Variants in MINDY4 observed in about 807,000 individuals in gnomAD.
MINDY4 encodes the protein probable ubiquitin carboxyl-terminal hydrolase MINDY-4.
MINDY4 carries 68 observed loss-of-function variants against 87.0 expected under a neutral mutation model. That is an observed-to-expected ratio of 0.78 (90% CI 0.64 to 0.96). The LOEUF (loss-of-function observed/expected upper bound fraction) is 0.96, where lower values mean the gene tolerates loss of function less well. Ranked by LOEUF, MINDY4 falls within the 40% of genes least tolerant of loss-of-function variation. The probability of loss-of-function intolerance (pLI) is 0.00; values close to 1 mark genes in which losing one functional copy is unlikely to be tolerated. For missense variants in MINDY4, 919 were observed against 928.2 expected, an observed-to-expected ratio of 0.99 and a Z score of 0.13; for synonymous variants, 379 against 363.2, an observed-to-expected ratio of 1.04 and a Z score of -0.50.
At chr7:30,851,410 A>C (rs1274272870) in intron 10 of MINDY4, among the ~76,000 whole-genome samples, 1 of 152,270 alleles carries the variant, frequency 6.6e-6, no homozygotes, top group East Asian at 1.9e-4. Context: ...TAAATGAGTC[A>C]GTATAAAGAA....
chr7:30,877,989 T>C (rs561495667), intron 15 of MINDY4, among the ~76,000 whole-genome samples: 2 of 151,740 alleles, frequency 1.3e-5, no homozygotes, highest in Non-Finnish European at 2.9e-5. Context: ...CCCTTCCCTC[T>C]TCTTTAACAC....
intron 13 of MINDY4, among the ~76,000 whole-genome samples, chr7:30,871,025 G>GC (rs1254065222): frequency 3.3e-5 from 5 of 150,514 alleles, no homozygotes; most frequent in Non-Finnish European, 7.4e-5. Flanking sequence ...GGCCGTGTGT[G>GC]CCCCCAGGGT....
Position 30,785,829 on chromosome 7 carries a change from C to T in MINDY4, c.500C>T (p.Thr167Met), listed in dbSNP as rs757043983. The change falls in exon 4 of 18, where the codon ACG (threonine) becomes ATG (methionine). Residue 167 changes from threonine (T) to methionine (M), a missense_variant. By Grantham distance (81) the Thr-to-Met change is moderately conservative. Coordinates refer to ENST00000265299, the MANE Select transcript of MINDY4 (RefSeq NM_032222.3). ...CCGCACAAAAGTAAGCCCATGCAGA[C>T]GGTCCCGGGTGAAACTCCTGTGTTG... is the stretch of plus-strand genomic sequence containing the variant. ...RPPHKSKPMQ[T>M]VPGETPVLTS... The T allele has an allele frequency of 2.4e-5, 39 of 1,614,070 alleles. No homozygotes were observed. Among genetic ancestry groups the T allele is most frequent in the East Asian group, 2.0e-4 (9 of 44,898 alleles).
Position 30,785,886 on chromosome 7 carries a change from A to G in MINDY4, c.557A>G (p.His186Arg). 1.2e-6 allele frequency: 2 copies of G among 1,614,222 alleles called. No homozygotes were observed. The highest frequency in any genetic ancestry group is 1.7e-6 in the Non-Finnish European group (2 of 1,180,042). ...TSAWEKIDKL[H>R]SEPSLDVKRM... ...GCATGGGAGAAGATAGACAAGCTTC[A>G]CTCGGAGCCTTCCTTGGATGTGAAG... Residue 186 changes from histidine (H) to arginine (R), a missense_variant, in exon 4 of 18, where the codon CAC (histidine) becomes CGC (arginine). Coordinates refer to ENST00000265299, the MANE Select transcript of MINDY4 (RefSeq NM_032222.3).
chr7:30,837,994 G>A (rs939134272), intron 7 of MINDY4, among the ~76,000 whole-genome samples: 31 of 152,340 alleles, frequency 2.0e-4, no homozygotes, highest in South Asian at 1.2e-3. Flanking sequence ...GCTGATTCTG[G>A]TGGAAAATAA....
chr7:30,858,562 C>G (rs1789650288), intron 12 of MINDY4: 1 of 152,014 alleles, frequency 6.6e-6, no homozygotes, highest in African/African-American at 2.4e-5. Context: ...CCAAAAATCT[C>G]AGAAATTAGC....
At chr7:30,812,057 C>T (rs764775949) in intron 5 of MINDY4, among the ~76,000 whole-genome samples, 27 of 152,064 alleles carry the variant, frequency 1.8e-4, no homozygotes, top group Non-Finnish European at 3.5e-4. Flanking sequence ...TACAAAAGGG[C>T]ACGTGTACCA....
At chr7:30,891,489 C>G (rs1790790699) in intron 17 of MINDY4, among the ~76,000 whole-genome samples, 1 of 152,218 alleles carries the variant, frequency 6.6e-6, no homozygotes, top group Non-Finnish European at 1.5e-5. Flanking sequence ...CTCAGTAAAG[C>G]CCAGAACCCT....
chr7:30,856,101 C>A lies in MINDY4; in HGVS notation c.1677+2642C>A, dbSNP rs558607280. On this transcript the variant is annotated intron_variant, in intron 12 of 17. Coordinates refer to ENST00000265299, the MANE Select transcript of MINDY4 (RefSeq NM_032222.3). ...CTCCTGGCCAGCTGGAGGATGCCCC[C>A]ACCTCTGCCTCCCATTGGAGTTCCT... 1.4e-3 allele frequency among the ~76,000 whole-genome samples: 206 copies of A among 152,314 alleles called. 1 individual carries two copies. Among genetic ancestry groups the A allele is most frequent in the African/African-American group, 4.5e-3 (187 of 41,580 alleles).
intron 5 of MINDY4, chr7:30,803,233 T>C (rs1415683750): frequency 6.6e-6 from 1 of 152,274 alleles, no homozygotes; most frequent in East Asian, 1.9e-4. Flanking sequence ...TTGTTCCTCC[T>C]GCTGGACTGT....
Position 30,782,130 on chromosome 7 carries a change from G to C in MINDY4, c.337G>C (p.Glu113Gln). 1 of 1,613,966 alleles carries C rather than the reference G, an allele frequency of 6.2e-7. No homozygotes were observed. Among genetic ancestry groups the C allele is most frequent in the Non-Finnish European group, 8.5e-7 (1 of 1,179,994 alleles). The stretch of plus-strand genomic sequence containing the variant: ...TAACAAAGTGCCATCAAGATGCTCA[G>C]AGACTACACTGGTAAATATATATGA... ...KNNKVPSRCS[E>Q]TTLVNIYDLS... The change falls in exon 3 of 18, where the codon GAG (glutamate) becomes CAG (glutamine). Residue 113 changes from glutamate (E) to glutamine (Q), a missense_variant. Transcript: ENST00000265299.
At chr7:30,880,496 C>T (rs1480129880) in intron 15 of MINDY4, among the ~76,000 whole-genome samples, 10 of 152,150 alleles carry the variant, frequency 6.6e-5, no homozygotes, top group Non-Finnish European at 1.5e-4. Context: ...GCAAGCTGCA[C>T]TTTTGTCTCT....
intron 9 of MINDY4, among the ~76,000 whole-genome samples, chr7:30,845,154 T>C (rs1789165829): frequency 6.6e-6 from 1 of 152,068 alleles, no homozygotes; most frequent in Admixed American, 6.6e-5. Context: ...AGTTTTAGAC[T>C]TCCATCGCTG....
At chr7:30,860,503 G>A (rs1467961521) in intron 13 of MINDY4, among the ~76,000 whole-genome samples, 1 of 152,182 alleles carries the variant, frequency 6.6e-6, no homozygotes, top group East Asian at 1.9e-4. Flanking sequence ...GACTGGGTTT[G>A]CTCCTGGTTT....
intron 12 of MINDY4, chr7:30,859,043 A>G (rs1789667533): frequency 2.8e-6 from 2 of 712,790 alleles, no homozygotes; most frequent in South Asian, 1.5e-5. Context: ...TGGCCCCTGC[A>G]TCACCCTCGC....
intron 4 of MINDY4, among the ~76,000 whole-genome samples, chr7:30,789,233 G>T (rs1468230407): frequency 6.6e-6 from 1 of 152,222 alleles, no homozygotes; most frequent in Non-Finnish European, 1.5e-5. Context: ...AGCGTGTCCA[G>T]TGGAGATGCC....
intron 12 of MINDY4, 120 bp downstream of exon 12, chr7:30,853,579 G>A (rs959736675): frequency 7.8e-6 from 7 of 898,808 alleles, no homozygotes; most frequent in Non-Finnish European, 1.2e-5. Context: ...TGGCGAGGAA[G>A]CTGGGAAGGA....
In MINDY4 at chr7:30,853,278, AGG is replaced by A. The variant is rs965726878; in HGVS notation, c.1612-114_1612-113del. Reference sequence around the variant, plus strand: ...ACTTGGAGATGCTGCTCTCTGACGCAGGGACATTCCCAAGTTGGATTTTGTAG... The same window carrying A: ...ACTTGGAGATGCTGCTCTCTGACGCAGACATTCCCAAGTTGGATTTTGTAG... On this transcript the variant is annotated intron_variant, in intron 11 of 17. Coordinates refer to ENST00000265299, the MANE Select transcript of MINDY4 (RefSeq NM_032222.3). 27 of 791,124 alleles carry A rather than the reference AGG, an allele frequency of 3.4e-5. No individual in the cohort carries two copies. In the African/African-American group the frequency reaches 4.3e-4, roughly 12 times the overall value. 49.0% of individuals were successfully genotyped at this position (791,124 alleles called of 1,614,324 possible). A position where few individuals can be genotyped will look rare whatever the true frequency, so the allele number is the denominator to read the frequency against.
At chr7:30,776,089 G>T (rs1416496720) in intron 1 of MINDY4, among the ~76,000 whole-genome samples, 21 of 152,194 alleles carry the variant, frequency 1.4e-4, no homozygotes, top group Admixed American at 1.4e-3. Context: ...TTTGTGAATT[G>T]TTCAATAGCC....
Sources: gnomAD v4.1 joint callset for allele counts (sites outside exome capture counted in the v4.1 genomes callset) on GRCh38, gnomAD v4.1.1 for gene constraint, MANE v1.5 for transcripts, NCBI Gene and HGNC (gene_info 2026-07-23, HGNC 2026-07-21) for gene names.